LPAR6: variants seen among roughly 807,000 people sequenced by gnomAD.
LPAR6 encodes lysophosphatidic acid receptor 6.
In LPAR6, 17 loss-of-function variants were observed where a neutral mutation model predicts 22.0. That is an observed-to-expected ratio of 0.77 (90% CI 0.53 to 1.16). The LOEUF is 1.16. LPAR6 is among the 50% of genes most tolerant of loss of function. The pLI is 0.00. For missense variants in LPAR6, 384 were observed against 406.9 expected, an observed-to-expected ratio of 0.94 and a Z score of 0.48; for synonymous variants, 136 against 139.8, an observed-to-expected ratio of 0.97 and a Z score of 0.19.
chr13:48,392,261 C>T (rs1346112675), intron 1 of LPAR6, among the ~76,000 whole-genome samples: 1 of 152,078 alleles, frequency 6.6e-6, no homozygotes, highest in Non-Finnish European at 1.5e-5. Flanking sequence ...AAGGCACATG[C>T]CACCATGCCC....
At chr13:48,440,929 A>G (rs1198594712) in intron 1 of LPAR6, among the ~76,000 whole-genome samples, 1 of 152,212 alleles carries the variant, frequency 6.6e-6, no homozygotes, top group Non-Finnish European at 1.5e-5. Flanking sequence ...AGGTTTGCTT[A>G]TAATTAAAAT....
intron 2 of LPAR6, among the ~76,000 whole-genome samples, chr13:48,421,232 C>T (rs1949000453): frequency 6.6e-6 from 1 of 152,102 alleles, no homozygotes; most frequent in Admixed American, 6.6e-5. Flanking sequence ...TAATGCCACA[C>T]ATCTACAACC....
At chr13:48,423,259 G>A (rs1329082884) in intron 1 of LPAR6, among the ~76,000 whole-genome samples, 1 of 151,996 alleles carries the variant, frequency 6.6e-6, no homozygotes, top group Admixed American at 6.6e-5. Flanking sequence ...CTGCTGGGTT[G>A]GGTTTTTGTT....
rs367788266 is a variant in LPAR6 at position 48,411,540 on chromosome 13, G to A, written c.884C>T (p.Ser295Leu). The stretch of plus-strand genomic sequence containing the variant: ...TTTTATTGAATTCTGAATTGTGTCC[G>A]ATGTAAAGTAGTAAACTATAGGGTC... ...CFDPIVYYFT[S>L]DTIQNSIKMK... Residue 295 changes from serine to leucine, a missense_variant, in exon 1 of 1, where the codon TCG becomes TTG. Ser to Leu is a moderately radical substitution (Grantham distance 145). Transcript: ENST00000620633. 7 of 1,613,414 alleles carry A rather than the reference G, an allele frequency of 4.3e-6. No homozygotes were observed. Among genetic ancestry groups the A allele is most frequent in the South Asian group, 2.2e-5 (2 of 91,018 alleles).
At chr13:48,420,860 A>G (rs536284322) in intron 2 of LPAR6, among the ~76,000 whole-genome samples, 2 of 152,294 alleles carry the variant, frequency 1.3e-5, no homozygotes, top group South Asian at 2.1e-4. Flanking sequence ...AAGAACTACA[A>G]ACTTCACTGC....
rs1948955509 is a variant in LPAR6 at position 48,418,665 on chromosome 13, TC to T, written c.-953-1346del. Among the ~76,000 whole-genome samples the T allele has an allele frequency of 2.0e-5, 3 of 149,466 alleles. No homozygotes were observed. In the South Asian group the frequency reaches 6.3e-4, roughly 31 times the overall value. On this transcript the variant is annotated intron_variant, in intron 2 of 4. Transcript: ENST00000345941. ...TCATCTCACATGCAAAGACACGTGCTCTAAATAAGGGAATGGAGGAAGATTT... is the reference window on the plus strand; with the variant it reads ...TCATCTCACATGCAAAGACACGTGCTTAAATAAGGGAATGGAGGAAGATTT...
intron 1 of LPAR6, among the ~76,000 whole-genome samples, chr13:48,440,714 G>A (rs938721343): frequency 6.6e-6 from 1 of 151,990 alleles, no homozygotes; most frequent in East Asian, 1.9e-4. Context: ...TAGATAAAGG[G>A]TTTTCTTTGT....
At chr13:48,440,760 T>C (rs946139885) in intron 1 of LPAR6, among the ~76,000 whole-genome samples, 1 of 152,166 alleles carries the variant, frequency 6.6e-6, no homozygotes, top group African/African-American at 2.4e-5. Context: ...TATACTTGCT[T>C]AACTTTTCAT....
In LPAR6 at chr13:48,440,997, G is replaced by A. The variant is rs118187893; in HGVS notation, c.-1474+3556C>T. On this transcript the variant is annotated intron_variant, in intron 1 of 6. Transcript: ENST00000378434. ...CTAAGGATGACCTAGGCCATTGATA[G>A]TCTAAGCTTGAAATTAATCATTAGA... Among the ~76,000 whole-genome samples the A allele has an allele frequency of 3.8e-4, 58 of 152,302 alleles. No individual in the cohort carries two copies. The East Asian group carries it at 0.011, about 28-fold the overall frequency.
chr13:48,400,277 T>C (rs925085100), intron 1 of LPAR6, among the ~76,000 whole-genome samples: 1 of 152,116 alleles, frequency 6.6e-6, no homozygotes, highest in Non-Finnish European at 1.5e-5. Flanking sequence ...GTGTATTAAC[T>C]CATAACTTCT....
chr13:48,432,539 C>A (rs1029293128), intron 1 of LPAR6, among the ~76,000 whole-genome samples: 1 of 151,956 alleles, frequency 6.6e-6, no homozygotes, highest in African/African-American at 2.4e-5. Context: ...CACATTCCAC[C>A]CTGACTTGTC....
chr13:48,420,761 A>G (rs1463549164), intron 2 of LPAR6, among the ~76,000 whole-genome samples: 1 of 152,218 alleles, frequency 6.6e-6, no homozygotes, highest in Non-Finnish European at 1.5e-5. Flanking sequence ...ACAGAGAGCC[A>G]AATCATGAGT....
intron 1 of LPAR6, among the ~76,000 whole-genome samples, chr13:48,397,637 T>C (rs1025583072): frequency 6.6e-6 from 1 of 152,174 alleles, no homozygotes; most frequent in Non-Finnish European, 1.5e-5. Context: ...GAACTTAAAG[T>C]ATAATAAAAA....
At chr13:48,424,044 A>G (rs1400759757) in intron 1 of LPAR6, 1 of 152,682 alleles carries the variant, frequency 6.5e-6, no homozygotes, top group Non-Finnish European at 1.5e-5. Flanking sequence ...TGTGACTTCC[A>G]TCTCTTAATT....
At chr13:48,432,387 A>G (rs1328023279) in intron 1 of LPAR6, among the ~76,000 whole-genome samples, 1 of 149,474 alleles carries the variant, frequency 6.7e-6, no homozygotes, top group Admixed American at 6.7e-5. Context: ...CTTATTTTTC[A>G]TGGCACCTCA....
intron 1 of LPAR6, among the ~76,000 whole-genome samples, chr13:48,442,509 A>T (rs1949248140): frequency 6.6e-6 from 1 of 152,174 alleles, no homozygotes; most frequent in South Asian, 2.1e-4. Context: ...CTTTGGATTC[A>T]GAAGGTAACT....
intron 1 of LPAR6, among the ~76,000 whole-genome samples, chr13:48,440,852 CAA>C (rs1297252591): frequency 6.6e-6 from 1 of 151,904 alleles, no homozygotes; most frequent in Non-Finnish European, 1.5e-5. Flanking sequence ...TCAGAGAAAA[CAA>C]TTTTAAAATT....
chr13:48,444,241 G>A (rs1356777230), intron 1 of LPAR6, among the ~76,000 whole-genome samples: 1 of 152,170 alleles, frequency 6.6e-6, no homozygotes, highest in African/African-American at 2.4e-5. Context: ...AGGATACTGG[G>A]CACGGTGGCT....
At chr13:48,419,474 G>A (rs1487584664) in intron 2 of LPAR6, among the ~76,000 whole-genome samples, 1 of 152,124 alleles carries the variant, frequency 6.6e-6, no homozygotes, top group African/African-American at 2.4e-5. Flanking sequence ...ACAATTAAAA[G>A]AACTAGAGAA....
Sources: allele counts gnomAD v4.1 joint callset (sites outside exome capture counted in the v4.1 genomes callset), GRCh38; gene constraint gnomAD v4.1.1; transcripts MANE v1.5; gene names NCBI Gene and HGNC (gene_info 2026-07-23, HGNC 2026-07-21).